Variants in CNTN5 observed in about 807,000 individuals in gnomAD.
CNTN5 encodes the protein contactin-5.
In CNTN5, 77 loss-of-function variants were observed where a neutral mutation model predicts 129.1. That is an observed-to-expected ratio of 0.60 (90% CI 0.50 to 0.72). The LOEUF is 0.72. Ranked by LOEUF, CNTN5 falls within the 30% of genes least tolerant of loss-of-function variation. The pLI is 0.00. For missense variants in CNTN5, 1,478 were observed against 1,328.8 expected, an observed-to-expected ratio of 1.11 and a Z score of -1.75; for synonymous variants, 509 against 465.6, an observed-to-expected ratio of 1.09 and a Z score of -1.20.
intron 3 of CNTN5, among the ~76,000 whole-genome samples, chr11:99,776,733 A>G (rs1367834207): frequency 6.6e-6 from 1 of 151,744 alleles, no homozygotes; most frequent in South Asian, 2.1e-4. Context: ...CTCATGTGGA[A>G]CACGCTTTAT....
chr11:99,094,722 C>T (rs956714535), intron 1 of CNTN5, among the ~76,000 whole-genome samples: 10 of 151,762 alleles, frequency 6.6e-5, no homozygotes, highest in South Asian at 2.1e-4. Context: ...GAAGAAAGTC[C>T]GGGGTAGGTG....
At chr11:100,009,364 G>C (rs558228638) in intron 9 of CNTN5, among the ~76,000 whole-genome samples, 68 of 152,032 alleles carry the variant, frequency 4.5e-4, no homozygotes, top group African/African-American at 1.6e-3. Flanking sequence ...TGTCTGTAAA[G>C]GTATTTCCCC....
intron 8 of CNTN5, among the ~76,000 whole-genome samples, chr11:100,001,555 C>A (rs1158592966): frequency 6.6e-6 from 1 of 152,150 alleles, no homozygotes; most frequent in Non-Finnish European, 1.5e-5. Flanking sequence ...TTGTTTCTCT[C>A]TTTAAGAATA....
chr11:100,205,617 G>A (rs1369882770), intron 15 of CNTN5, among the ~76,000 whole-genome samples: 6 of 151,980 alleles, frequency 3.9e-5, no homozygotes, highest in East Asian at 1.9e-4. Flanking sequence ...TCTGTCTCAC[G>A]GGTTCTGTAT....
At chr11:99,234,241 G>T (rs534747700) in intron 1 of CNTN5, among the ~76,000 whole-genome samples, 1 of 152,130 alleles carries the variant, frequency 6.6e-6, no homozygotes, top group Non-Finnish European at 1.5e-5. Flanking sequence ...GTTATCAGAG[G>T]CTGGGAAGAG....
intron 2 of CNTN5, among the ~76,000 whole-genome samples, chr11:99,412,395 A>G (rs75781807): frequency 0.014 from 2,124 of 152,252 alleles, 21 homozygotes; most frequent in Non-Finnish European, 0.02. Context: ...GTTAATCAAA[A>G]TCTGTAGTTT....
intron 3 of CNTN5, among the ~76,000 whole-genome samples, chr11:99,585,493 T>C (rs1390287630): frequency 6.6e-6 from 1 of 152,140 alleles, no homozygotes; most frequent in African/African-American, 2.4e-5. Context: ...ATATGGTTAT[T>C]TAAAAAAATA....
intron 8 of CNTN5, among the ~76,000 whole-genome samples, chr11:99,968,046 C>G (rs1423495741): frequency 6.6e-6 from 1 of 152,148 alleles, no homozygotes; most frequent in African/African-American, 2.4e-5. Context: ...AAAGATATAG[C>G]AAAGCTGTAC....
At chr11:100,157,953 A>C (rs1490247012) in intron 13 of CNTN5, among the ~76,000 whole-genome samples, 4 of 151,860 alleles carry the variant, frequency 2.6e-5, no homozygotes, top group Non-Finnish European at 5.9e-5. Context: ...TAAACATAAA[A>C]TTTTTAAACA....
rs1788615666 is a variant in CNTN5 at position 99,126,102 on chromosome 11, C to G, written c.-210+104832C>G. 2.0e-5 allele frequency among the ~76,000 whole-genome samples: 3 copies of G among 152,094 alleles called. No homozygotes were observed. The South Asian group carries it at 6.2e-4, about 31-fold the overall frequency. On this transcript the variant is annotated intron_variant, in intron 1 of 24. Transcript: ENST00000524871. ...GGCTGCGATTTTGGGGAGCAATGTT[C>G]TATAGGGATATTAAATCTGTTTTTA... is the stretch of plus-strand genomic sequence containing the variant.
At chr11:99,873,414 AC>A (rs1803315994) in intron 6 of CNTN5, among the ~76,000 whole-genome samples, 1 of 152,158 alleles carries the variant, frequency 6.6e-6, no homozygotes, top group South Asian at 2.1e-4. Context: ...ACATGACTAC[AC>A]ATTTCACACA....
At chr11:99,116,793 G>A (rs12791892) in intron 1 of CNTN5, among the ~76,000 whole-genome samples, 1 of 152,118 alleles carries the variant, frequency 6.6e-6, no homozygotes, top group African/African-American at 2.4e-5. Flanking sequence ...GGAAACAGAT[G>A]AATACATTTA....
At chr11:99,588,242 G>A (rs941194969) in intron 3 of CNTN5, among the ~76,000 whole-genome samples, 4 of 151,744 alleles carry the variant, frequency 2.6e-5, no homozygotes, top group Non-Finnish European at 2.9e-5. Flanking sequence ...TACTCAGGAG[G>A]CTGAGGCAGG....
intron 6 of CNTN5, among the ~76,000 whole-genome samples, chr11:99,881,036 A>G (rs1163718095): frequency 6.6e-6 from 1 of 152,206 alleles, no homozygotes; most frequent in Non-Finnish European, 1.5e-5. Flanking sequence ...AGAGTTGCAA[A>G]CTAGTTTCAA....
At chr11:100,250,961 AT>A (rs1949951542) in intron 16 of CNTN5, among the ~76,000 whole-genome samples, 1 of 152,166 alleles carries the variant, frequency 6.6e-6, no homozygotes, top group African/African-American at 2.4e-5. Context: ...AATAAATAGA[AT>A]GGAGGGAATG....
intron 24 of CNTN5, among the ~76,000 whole-genome samples, chr11:100,354,363 CT>C (rs1952479668): frequency 6.6e-6 from 1 of 151,562 alleles, no homozygotes; most frequent in African/African-American, 2.4e-5. Context: ...ACCAATCAAC[CT>C]TGGATCAGTC....
At chr11:100,033,822 C>T (rs1355281414) in intron 9 of CNTN5, among the ~76,000 whole-genome samples, 1 of 152,160 alleles carries the variant, frequency 6.6e-6, no homozygotes, top group Admixed American at 6.5e-5. Context: ...TCACCTTCAC[C>T]TCCTGCTCCC....
intron 1 of CNTN5, among the ~76,000 whole-genome samples, chr11:99,304,794 G>A (rs1458005741): frequency 6.6e-6 from 1 of 152,130 alleles, no homozygotes; most frequent in Non-Finnish European, 1.5e-5. Context: ...CTGAAGTATG[G>A]TCATCTCTAT....
intron 2 of CNTN5, among the ~76,000 whole-genome samples, chr11:99,408,099 G>T (rs1942172310): frequency 6.6e-6 from 1 of 151,924 alleles, no homozygotes. Context: ...TAGTGTCCTT[G>T]GCAGGGCAGG....
Sources: gnomAD v4.1 joint callset for allele counts (sites outside exome capture counted in the v4.1 genomes callset) on GRCh38, gnomAD v4.1.1 for gene constraint, MANE v1.5 for transcripts, NCBI Gene and HGNC (gene_info 2026-07-23, HGNC 2026-07-21) for gene names.